PRAMEF20: variants seen among roughly 807,000 people sequenced by gnomAD.
The protein encoded by PRAMEF20 is PRAME family member 20, also known as PRAME family member 20/21.
PRAMEF20 carries 27 observed loss-of-function variants against 32.4 expected under a neutral mutation model. The ratio of observed to expected loss-of-function variants is 0.83; its 90% CI spans 0.61 to 1.15. PRAMEF20 has a LOEUF of 1.15. PRAMEF20 is among the 50% of genes most tolerant of loss of function. PRAMEF20 has a pLI of 0.00. For missense variants in PRAMEF20, 604 were observed against 584.5 expected (o/e 1.03, Z -0.34); for synonymous variants, 256 against 235.4 (o/e 1.09, Z -0.80).
At chr1:13,413,364 GTTGTTT>G (rs969063107), upstream of PRAMEF20, among the ~76,000 whole-genome samples, 7 of 151,902 alleles carry the variant, frequency 4.6e-5, no homozygotes, top group African/African-American at 7.2e-5. Flanking sequence ...TTTTGTTGTT[GTTGTTT>G]TTGTTTTTGT....
intron 2 of PRAMEF20, among the ~76,000 whole-genome samples, 190 bp downstream of exon 3, chr1:13,418,890 T>C (rs971804998): frequency 2.0e-5 from 3 of 152,216 alleles, no homozygotes; most frequent in Non-Finnish European, 4.4e-5. Flanking sequence ...CTGGGGTAGA[T>C]GCTATAGAGA....
chr1:13,418,414 A>G (rs1197199942), exon 2 of PRAMEF20: 2 of 1,613,788 alleles, frequency 1.2e-6, no homozygotes, highest in African/African-American at 2.7e-5. Flanking sequence ...GCTCTTCCAC[A>G]ATATCAGAAA....
chr1:13,421,299 T>C lies in PRAMEF20; in HGVS notation c.*41T>C, dbSNP rs1312262592. Reference sequence around the variant, plus strand: ...GGTGGATATATCAAACTCTTTTTTCTGAACACTTGAAAACTAAAACCTAGG... The same window carrying C: ...GGTGGATATATCAAACTCTTTTTTCCGAACACTTGAAAACTAAAACCTAGG... On this transcript the variant is annotated 3_prime_UTR_variant, in exon 3 of 3. Transcript: ENST00000602960. 3.1e-6 allele frequency: 5 copies of C among 1,613,436 alleles called. No individual in the cohort carries two copies. The East Asian group carries it at 6.7e-5, about 22-fold the overall frequency.
At chr1:13,414,588 A>G (rs934327115), upstream of PRAMEF20, among the ~76,000 whole-genome samples, 7 of 151,848 alleles carry the variant, frequency 4.6e-5, no homozygotes, top group African/African-American at 1.7e-4. Flanking sequence ...TCTTCCAAGT[A>G]ACTGGGATGA....
upstream of PRAMEF20, among the ~76,000 whole-genome samples, chr1:13,414,806 T>G (rs988912505): frequency 2.0e-4 from 31 of 151,872 alleles, no homozygotes; most frequent in East Asian, 2.1e-3. Flanking sequence ...AATATATATA[T>G]ATAGAGAGAG....
the PRAMEF20 span, among the ~76,000 whole-genome samples, chr1:13,410,923 T>A: frequency 6.6e-6 from 1 of 151,990 alleles, no homozygotes; most frequent in African/African-American, 2.4e-5. Context: ...AGTGGCATGA[T>A]CTCGGCCCAC....
In PRAMEF20 at chr1:13,417,910, T is replaced by TGTGTGTGTGTGTGTGTGTGTGTG. The variant is rs1369049111; in HGVS notation, c.288-212_288-211insGTGTGTGTGTGTGTGTGTGTGTG. ...GCGCCCGCCACCACGCCCGGCTAAT[T>TGTGTGTGTGTGTGTGTGTGTGTG]TGTGTGTGTGTGTGTGTGTGTGTGT... is the stretch of plus-strand genomic sequence containing the variant. On this transcript the variant is annotated intron_variant, in intron 1 of 2. Coordinates refer to ENST00000602960, the Ensembl canonical transcript of PRAMEF20. 2.1e-3 allele frequency among the ~76,000 whole-genome samples: 262 copies of TGTGTGTGTGTGTGTGTGTGTGTG among 124,288 alleles called. 21 individuals are homozygous for TGTGTGTGTGTGTGTGTGTGTGTG. The highest frequency in any genetic ancestry group is 9.7e-3 in the East Asian group (37 of 3,814). 81.5% of individuals were successfully genotyped at this position (124,288 alleles called of 152,430 possible).
intron 1 of PRAMEF20, among the ~76,000 whole-genome samples, chr1:13,417,018 G>C (rs1641182863): frequency 6.6e-6 from 1 of 152,186 alleles, no homozygotes. Flanking sequence ...CTGCCGGTGG[G>C]TTCATGGTCT....
upstream of PRAMEF20, among the ~76,000 whole-genome samples, chr1:13,412,559 C>G (rs1344359027): frequency 6.6e-6 from 1 of 152,176 alleles, no homozygotes; most frequent in African/African-American, 2.4e-5. Context: ...GATCCCCCAA[C>G]ATATTCACAT....
chr1:13,419,512 C>T (rs1641219369), intron 2 of PRAMEF20, among the ~76,000 whole-genome samples: 1 of 151,576 alleles, frequency 6.6e-6, no homozygotes. Flanking sequence ...GCTTTATTGC[C>T]CAGGGTTCAC....
exon 2 of PRAMEF20, chr1:13,418,314 G>A (rs1641205004): frequency 3.7e-6 from 6 of 1,613,856 alleles, no homozygotes; most frequent in Non-Finnish European, 5.1e-6. Flanking sequence ...ACAGGACTCT[G>A]GATGAATACT....
At chr1:13,416,015 A>G (rs1413926893), upstream of PRAMEF20, among the ~76,000 whole-genome samples, 2 of 151,284 alleles carry the variant, frequency 1.3e-5, no homozygotes, top group African/African-American at 4.8e-5. Flanking sequence ...TTGTTTTAGA[A>G]CCTTGAGTAA....
At chr1:13,412,423 CAAGGATAATG>C (rs1276427481), upstream of PRAMEF20, among the ~76,000 whole-genome samples, 2 of 152,144 alleles carry the variant, frequency 1.3e-5, no homozygotes, top group Non-Finnish European at 2.9e-5. Flanking sequence ...TCCCTCCCCT[CAAGGATAATG>C]TTGAATTTTT....
chr1:13,421,256 T>G, exon 3 of PRAMEF20: 1 of 1,613,844 alleles, frequency 6.2e-7, no homozygotes, highest in Non-Finnish European at 8.5e-7. Context: ...GTGTTGCTGT[T>G]GAATGCCTGC....
chr1:13,416,301 G>T, upstream of PRAMEF20: 1 of 1,611,936 alleles, frequency 6.2e-7, no homozygotes, highest in Admixed American at 1.7e-5. Flanking sequence ...GCCTGAGAGT[G>T]ATGCCTTTTC....
chr1:13,418,475 G>A, exon 2 of PRAMEF20: 1 of 1,613,892 alleles, frequency 6.2e-7, no homozygotes, highest in Non-Finnish European at 8.5e-7. Flanking sequence ...GAAGTGAATT[G>A]CAATTGGACA....
At chr1:13,412,980 A>C (rs1454052162), upstream of PRAMEF20, among the ~76,000 whole-genome samples, 1 of 152,182 alleles carries the variant, frequency 6.6e-6, no homozygotes, top group Non-Finnish European at 1.5e-5. Flanking sequence ...CACTGGATAC[A>C]TGATGATTTC....
upstream of PRAMEF20, among the ~76,000 whole-genome samples, chr1:13,411,378 A>C (rs1271109921): frequency 1.3e-5 from 2 of 151,410 alleles, no homozygotes; most frequent in Admixed American, 1.3e-4. Context: ...AGTTTAAACA[A>C]TATCCAATTA....
chr1:13,417,908 ATTTGTGTGTGTG>A (rs1220141040), intron 1 of PRAMEF20, among the ~76,000 whole-genome samples: 11 of 42,582 alleles, frequency 2.6e-4, no homozygotes, highest in South Asian at 9.7e-4. Context: ...CGCCCGGCTA[ATTTGTGTGTGTG>A]TGTGTGTGTG....
Sources: gnomAD v4.1 joint callset for allele counts (sites outside exome capture counted in the v4.1 genomes callset) on GRCh38, gnomAD v4.1.1 for gene constraint, MANE v1.5 for transcripts, NCBI Gene and HGNC (gene_info 2026-07-23, HGNC 2026-07-21) for gene names.